Variants in UROC1 observed in about 807,000 individuals in gnomAD.
The protein encoded by UROC1 is urocanate hydratase.
A neutral mutation model predicts 89.5 loss-of-function variants in UROC1; 79 were observed. The observed-to-expected ratio is 0.88, with a 90% confidence interval of 0.74 to 1.06. The LOEUF is 1.06. Ranked by LOEUF, UROC1 falls within the 50% of genes least tolerant of loss-of-function variation. UROC1 has a pLI of 0.00. For synonymous variants in UROC1, 361 were observed against 354.8 expected (o/e 1.02, Z -0.20); for missense variants, 885 against 907.8 (o/e 0.97, Z 0.32).
intron 1 of UROC1, among the ~76,000 whole-genome samples, chr3:126,513,498 T>A (rs986523498): frequency 6.6e-6 from 1 of 152,180 alleles, no homozygotes; most frequent in Admixed American, 6.5e-5. Context: ...TCTGCGAGGC[T>A]GCTGTGGCAC....
At chr3:126,488,752 G>A (rs777481) in intron 17 of UROC1, among the ~76,000 whole-genome samples, 61,942 of 152,086 alleles carry the variant, frequency 0.41, 13,833 homozygotes, top group Middle Eastern at 0.55. Context: ...GAGAAACAGA[G>A]CCCAAGCCGG....
At chr3:126,500,216 C>A (rs1935885206) in intron 11 of UROC1, 62 bp from the exon 12 acceptor site, 25 of 1,524,342 alleles carry the variant, frequency 1.6e-5, no homozygotes, top group Non-Finnish European at 2.2e-5. Flanking sequence ...CAATGTGGCA[C>A]CCTCAGTCGC....
At chr3:126,505,567 G>A in intron 8 of UROC1, 134 bp downstream of exon 8, 1 of 1,402,944 alleles carries the variant, frequency 7.1e-7, no homozygotes. Context: ...GCTTCGTGGA[G>A]GAGGCAAGGG....
intron 14 of UROC1, among the ~76,000 whole-genome samples, chr3:126,497,223 T>TGTGAAGCACACAGCAGAGGCTG (rs1410006558): frequency 6.6e-6 from 1 of 152,188 alleles, no homozygotes; most frequent in Non-Finnish European, 1.5e-5. Flanking sequence ...GCCCTAGAGA[T>TGTGAAGCACACAGCAGAGGCTG]GTGAAGCACA....
At position 126,500,675 on chromosome 3, in the gene UROC1, C is replaced by G; in HGVS notation, c.1145+20G>C. ...CTGCCCAGGCCAAATGCTTCTGCCACCCCCAACTCCAAGTAGCACCTTTCC... is the reference window on the plus strand; with the variant it reads ...CTGCCCAGGCCAAATGCTTCTGCCAGCCCCAACTCCAAGTAGCACCTTTCC... On this transcript the variant is annotated intron_variant, in intron 11 of 19. Transcript: ENST00000290868. 1 of 1,613,994 alleles carries G rather than the reference C, an allele frequency of 6.2e-7. No individual in the cohort carries two copies. Among genetic ancestry groups the G allele is most frequent in the Non-Finnish European group, 8.5e-7 (1 of 1,179,982 alleles).
Position 126,498,163 on chromosome 3 carries a change from G to C in UROC1, c.1326C>G (p.Phe442Leu), listed in dbSNP as rs1352547421. Residue 442 changes from phenylalanine (F) to leucine (L), a missense_variant, in exon 14 of 20, where the codon TTC becomes TTG. Phe to Leu is a conservative substitution (Grantham distance 22). Transcript: ENST00000290868. The part of the protein sequence containing the change: ...SYVQHIMGDI[F>L]SQGFGPFRWV... ...AGCGGAAAGGCCCAAATCCCTGGGAGAATATGTCCCTGCAAGCACAGATGC... is the reference window on the plus strand; with the variant it reads ...AGCGGAAAGGCCCAAATCCCTGGGACAATATGTCCCTGCAAGCACAGATGC... 6.2e-7 allele frequency: 1 copy of C among 1,614,218 alleles called. No individual in the cohort carries two copies.
intron 6 of UROC1, among the ~76,000 whole-genome samples, chr3:126,506,939 C>T (rs529194126): frequency 1.3e-5 from 2 of 152,042 alleles, no homozygotes; most frequent in African/African-American, 2.4e-5. Context: ...ACTAGCTGGC[C>T]GTGGTAGTAC....
At chr3:126,499,434 C>T in intron 12 of UROC1, 25 bp from the exon 13 acceptor site, 1 of 1,602,816 alleles carries the variant, frequency 6.2e-7, no homozygotes, top group East Asian at 2.3e-5. Context: ...CGGACAGTCA[C>T]CACCCAAGGC....
At position 126,482,742 on chromosome 3, in the gene UROC1, C is replaced by T. The variant is rs1935418798; in HGVS notation, c.1891-257G>A. On this transcript the variant is annotated intron_variant, in intron 19 of 19. Coordinates refer to ENST00000290868, the MANE Select transcript of UROC1 (RefSeq NM_144639.3). ...CAAGAATGGCCTTGCCTCCTGAGTC[C>T]TCCGCAGCACCTCCCTCCCTTCTAG... 1.3e-5 allele frequency among the ~76,000 whole-genome samples: 2 copies of T among 152,084 alleles called. 1 individual carries two copies. The highest frequency in any genetic ancestry group is 4.1e-4 in the South Asian group (2 of 4,826).
At chr3:126,495,452 T>G (rs1206884274) in intron 15 of UROC1, among the ~76,000 whole-genome samples, 15 of 152,180 alleles carry the variant, frequency 9.9e-5, no homozygotes. Flanking sequence ...TCCTCCAGGT[T>G]CATCCATGTT....
rs753812641 is a variant in UROC1, at chr3:126,482,497, AG to A, written c.1891-13del. The A allele has an allele frequency of 1.4e-5, 23 of 1,613,658 alleles. No homozygotes were observed. The highest frequency in any genetic ancestry group is 1.9e-5 in the Non-Finnish European group (23 of 1,179,998). ...CAGCGCCGGGCCACCTAGGGCAAGG[AG>A]GGGGATAGCAGTCCATGTCAACATA... is the stretch of plus-strand genomic sequence containing the variant. On this transcript the variant is annotated splice_polypyrimidine_tract_variant and intron_variant, in intron 19 of 19. Coordinates refer to ENST00000290868, the MANE Select transcript of UROC1 (RefSeq NM_144639.3).
chr3:126,500,552 T>C lies in UROC1; in HGVS notation c.1145+143A>G, dbSNP rs1935893552. Reference sequence around the variant, plus strand: ...GTAAGTGTGTCATGACTCCGTCTGATGGGTGGAGGCAGAGGCTCAGAGAGG... The same window carrying C: ...GTAAGTGTGTCATGACTCCGTCTGACGGGTGGAGGCAGAGGCTCAGAGAGG... On this transcript the variant is annotated intron_variant, in intron 11 of 19. Coordinates refer to ENST00000290868, the MANE Select transcript of UROC1 (RefSeq NM_144639.3). 1.2e-5 allele frequency: 12 copies of C among 998,966 alleles called. No homozygotes were observed. In the South Asian group the frequency reaches 1.5e-4, roughly 13 times the overall value. The allele number at this position is 998,966 out of a possible 1,614,324, so 61.9% of individuals were successfully genotyped here. A position where few individuals can be genotyped will look rare whatever the true frequency, so the allele number is the denominator to read the frequency against.
At chr3:126,499,768 G>A (rs929289567) in intron 12 of UROC1, among the ~76,000 whole-genome samples, 1 of 152,238 alleles carries the variant, frequency 6.6e-6, no homozygotes, top group African/African-American at 2.4e-5. Flanking sequence ...TCACAGAAAA[G>A]GAAAGCTGCA....
intron 6 of UROC1, 137 bp downstream of exon 6, chr3:126,507,605 T>G: frequency 1.1e-6 from 1 of 925,792 alleles, no homozygotes; most frequent in Non-Finnish European, 1.7e-6. Context: ...CTAGGGAATA[T>G]GTAAAAATAA....
chr3:126,513,675 C>T (rs751969824), intron 1 of UROC1, among the ~76,000 whole-genome samples: 2 of 152,224 alleles, frequency 1.3e-5, no homozygotes, highest in African/African-American at 2.4e-5. Context: ...GAGTGCCCAG[C>T]TGTCAAAACT....
chr3:126,487,953 A>G (rs1411257717), intron 18 of UROC1, among the ~76,000 whole-genome samples: 1 of 152,200 alleles, frequency 6.6e-6, no homozygotes, highest in Admixed American at 6.5e-5. Context: ...AGAGCCTAAG[A>G]GGCCCCTGAG....
intron 15 of UROC1, among the ~76,000 whole-genome samples, chr3:126,495,668 A>G (rs1935759074): frequency 6.6e-6 from 1 of 152,190 alleles, no homozygotes; most frequent in Admixed American, 6.5e-5. Flanking sequence ...ACACATCCAG[A>G]AGTGGAATTG....
intron 2 of UROC1, among the ~76,000 whole-genome samples, chr3:126,510,308 G>A (rs977922066): frequency 3.3e-5 from 5 of 152,232 alleles, no homozygotes; most frequent in African/African-American, 1.2e-4. Context: ...CACTGCCAGA[G>A]CTCCCCAAAG....
intron 14 of UROC1, 86 bp from the exon 15 acceptor site, chr3:126,496,194 C>T (rs956767923): frequency 7.4e-7 from 1 of 1,358,030 alleles, no homozygotes; most frequent in East Asian, 2.4e-5. Flanking sequence ...AGCACAGACC[C>T]TGCCCCGAGC....
Sources: allele counts gnomAD v4.1 joint callset (sites outside exome capture counted in the v4.1 genomes callset), GRCh38; gene constraint gnomAD v4.1.1; transcripts MANE v1.5; gene names NCBI Gene and HGNC (gene_info 2026-07-23, HGNC 2026-07-21).